Variants in LARGE1 observed in about 807,000 individuals in gnomAD.
LARGE1 encodes LARGE xylosyl- and glucuronyltransferase 1.
In LARGE1, 43 loss-of-function variants were observed where a neutral mutation model predicts 87.6. That is an observed-to-expected ratio of 0.49 (90% confidence interval 0.38 to 0.63). The LOEUF (loss-of-function observed/expected upper bound fraction) is 0.63, where lower values mean the gene tolerates loss of function less well. Ranked by LOEUF, LARGE1 falls within the 30% of genes least tolerant of loss-of-function variation. The pLI is 0.00. For synonymous variants in LARGE1, 434 were observed against 394.6 expected (o/e 1.10, Z -1.18); for missense variants, 802 against 1,000.2 (o/e 0.80, Z 2.67).
intron 11 of LARGE1, among the ~76,000 whole-genome samples, chr22:33,206,927 A>C (rs2146223080): frequency 6.6e-6 from 1 of 152,332 alleles, no homozygotes; most frequent in Admixed American, 6.5e-5. Context: ...CAGTTAGTCC[A>C]GTTTAAAATT....
intron 11 of LARGE1, among the ~76,000 whole-genome samples, chr22:33,315,481 C>T (rs565146952): frequency 1.3e-5 from 2 of 152,320 alleles, no homozygotes; most frequent in East Asian, 3.9e-4. Context: ...TCCCCACTGT[C>T]CCTCTTCCTG....
chr22:33,887,766 G>A (rs1206777996), intron 1 of LARGE1, among the ~76,000 whole-genome samples: 2 of 151,990 alleles, frequency 1.3e-5, no homozygotes, highest in Non-Finnish European at 2.9e-5. Context: ...TCACCCAGTT[G>A]ATGGTATTTT....
chr22:33,396,253 G>A (rs1242018548), intron 7 of LARGE1, among the ~76,000 whole-genome samples: 1 of 152,150 alleles, frequency 6.6e-6, no homozygotes, highest in Non-Finnish European at 1.5e-5. Flanking sequence ...CTTCTGCTTT[G>A]AAGCACTAGA....
At chr22:33,108,733 ATAT>A in the LARGE1 span, 1 of 152,130 alleles carries the variant, frequency 6.6e-6, no homozygotes. Context: ...ATAATTACTA[ATAT>A]TATTATTAGC....
At chr22:33,751,666 A>G (rs2084321123) in intron 2 of LARGE1, among the ~76,000 whole-genome samples, 1 of 151,842 alleles carries the variant, frequency 6.6e-6, no homozygotes, top group African/African-American at 2.4e-5. Context: ...TATAATTGGA[A>G]TCCTATAGTA....
intron 6 of LARGE1, among the ~76,000 whole-genome samples, chr22:33,502,046 A>G (rs1241236386): frequency 1.3e-5 from 2 of 152,032 alleles, no homozygotes; most frequent in South Asian, 2.1e-4. Flanking sequence ...AACACAAAAA[A>G]TTAGCCGGGC....
chr22:33,598,654 G>C (rs564603058), intron 5 of LARGE1, among the ~76,000 whole-genome samples: 1 of 152,052 alleles, frequency 6.6e-6, no homozygotes, highest in East Asian at 1.9e-4. Flanking sequence ...TTAGTTTGCT[G>C]AGAATGATGG....
chr22:33,093,814 CTTTCTTTCTT>C, the LARGE1 span, among the ~76,000 whole-genome samples: 2 of 126,970 alleles, frequency 1.6e-5, no homozygotes, highest in African/African-American at 5.8e-5. Flanking sequence ...CTTTTTTTTT[CTTTCTTTCTT>C]TTTTTTTTTT....
chr22:33,068,513 CG>C, the LARGE1 span, among the ~76,000 whole-genome samples: 1 of 152,020 alleles, frequency 6.6e-6, no homozygotes, highest in African/African-American at 2.4e-5. Flanking sequence ...GGTGTGGTGG[CG>C]GGCACCTGTA....
At chr22:33,330,191 C>A (rs1448693689) in intron 10 of LARGE1, among the ~76,000 whole-genome samples, 1 of 151,942 alleles carries the variant, frequency 6.6e-6, no homozygotes, top group Non-Finnish European at 1.5e-5. Context: ...TCAGCAGAAG[C>A]CAGATGCAAG....
intron 1 of LARGE1, among the ~76,000 whole-genome samples, chr22:33,830,515 T>C (rs964641934): frequency 2.0e-5 from 3 of 152,194 alleles, no homozygotes; most frequent in Non-Finnish European, 4.4e-5. Context: ...CTGTGTGACC[T>C]TGGACAATTT....
chr22:33,848,139 G>A (rs2063485448), intron 1 of LARGE1, among the ~76,000 whole-genome samples: 1 of 152,156 alleles, frequency 6.6e-6, no homozygotes, highest in South Asian at 2.1e-4. Context: ...ACTAAATCAG[G>A]CAGCGTATTT....
At chr22:33,281,526 T>C (rs1045419283) in intron 13 of LARGE1, among the ~76,000 whole-genome samples, 1 of 152,194 alleles carries the variant, frequency 6.6e-6, no homozygotes, top group Non-Finnish European at 1.5e-5. Context: ...ATTAAACTTC[T>C]CAGAGCCTCA....
intron 1 of LARGE1, among the ~76,000 whole-genome samples, chr22:33,812,235 G>A (rs891283937): frequency 1.3e-5 from 2 of 152,190 alleles, no homozygotes; most frequent in African/African-American, 2.4e-5. Context: ...ATGAAGTTAG[G>A]GCTATGCTAA....
At chr22:33,239,330 T>C (rs76233994) in intron 11 of LARGE1, among the ~76,000 whole-genome samples, 3,223 of 152,206 alleles carry the variant, frequency 0.021, 115 homozygotes, top group African/African-American at 0.072. Context: ...AGGAAGATAG[T>C]GCCCACTTAC....
intron 5 of LARGE1, among the ~76,000 whole-genome samples, chr22:33,582,855 G>A (rs959545130): frequency 3.3e-5 from 5 of 152,214 alleles, no homozygotes; most frequent in Non-Finnish European, 7.3e-5. Context: ...GAAGAGGAGA[G>A]TGAATTCCTT....
At chr22:33,583,635 A>G (rs953304695) in intron 5 of LARGE1, among the ~76,000 whole-genome samples, 3 of 152,206 alleles carry the variant, frequency 2.0e-5, no homozygotes, top group Non-Finnish European at 4.4e-5. Flanking sequence ...AGCCCACTGA[A>G]TAGGTCAGGG....
chr22:33,516,675 C>T lies in LARGE1; in HGVS notation c.787+48173G>A, dbSNP rs922188785. ...GCCATCTCCGCTCACTGCAAACTTC[C>T]GCCTTCCGGGTTCAAGCGATTCTCC... is the stretch of plus-strand genomic sequence containing the variant. On this transcript the variant is annotated intron_variant, in intron 6 of 14. Transcript: ENST00000397394. 1.8e-4 allele frequency among the ~76,000 whole-genome samples: 27 copies of T among 147,832 alleles called. 2 individuals are homozygous for T. The highest frequency in any genetic ancestry group is 1.6e-3 in the Admixed American group (23 of 14,732).
At chr22:33,868,253 C>A (rs777952409) in intron 1 of LARGE1, among the ~76,000 whole-genome samples, 1 of 152,182 alleles carries the variant, frequency 6.6e-6, no homozygotes, top group Non-Finnish European at 1.5e-5. Context: ...GCAACTACCA[C>A]AGCCGGCCTC....
Sources: allele counts gnomAD v4.1 joint callset (sites outside exome capture counted in the v4.1 genomes callset), GRCh38; gene constraint gnomAD v4.1.1; transcripts MANE v1.5; gene names NCBI Gene and HGNC (gene_info 2026-07-23, HGNC 2026-07-21).